The following RB1CC1 variants were observed in gnomAD, a reference collection of about 807,000 sequenced individuals.
RB1CC1 encodes RB1 inducible coiled-coil 1.
A neutral mutation model predicts 177.5 loss-of-function variants in RB1CC1; 46 were observed. The ratio of observed to expected loss-of-function variants is 0.26; its 90% confidence interval spans 0.20 to 0.33. RB1CC1 has a LOEUF of 0.33. Ranked by LOEUF, RB1CC1 falls within the 10% of genes least tolerant of loss-of-function variation. The pLI is 1.00. For synonymous variants in RB1CC1, 666 were observed against 613.6 expected (o/e 1.09, Z -1.26); for missense variants, 1,703 against 1,816.3 (o/e 0.94, Z 1.13).
At chr8:52,675,756 G>A (rs1230956539) in intron 6 of RB1CC1, among the ~76,000 whole-genome samples, 7 of 149,762 alleles carry the variant, frequency 4.7e-5, no homozygotes, top group South Asian at 2.1e-4. Context: ...GCGTGGTGGC[G>A]GGCACCTGTA....
chr8:52,691,276 A>G (rs536117700), intron 1 of RB1CC1, among the ~76,000 whole-genome samples: 1 of 152,296 alleles, frequency 6.6e-6, no homozygotes, highest in South Asian at 2.1e-4. Context: ...CTTCCATGAT[A>G]CTTAAAGCAA....
chr8:52,681,123 C>T (rs966222228), intron 5 of RB1CC1, among the ~76,000 whole-genome samples: 1 of 151,954 alleles, frequency 6.6e-6, no homozygotes, highest in Admixed American at 6.6e-5. Flanking sequence ...TCCCGAGCAG[C>T]TGGGACTACA....
intron 22 of RB1CC1, among the ~76,000 whole-genome samples, chr8:52,626,647 A>G (rs985139291): frequency 1.3e-5 from 2 of 152,218 alleles, no homozygotes; most frequent in African/African-American, 4.8e-5. Context: ...GAAAAACAAA[A>G]AACCCCATAA....
chr8:52,642,406 T>C lies in RB1CC1; in HGVS notation c.4282A>G (p.Thr1428Ala), dbSNP rs139250398. 7 of 1,614,022 alleles carry C rather than the reference T, an allele frequency of 4.3e-6. No individual in the cohort carries two copies. Among genetic ancestry groups the C allele is most frequent in the Non-Finnish European group, 5.9e-6 (7 of 1,179,994 alleles). Residue 1428 changes from threonine (T) to alanine (A), a missense_variant, in exon 18 of 24, where the codon ACA becomes GCA. Thr to Ala is a moderately conservative substitution (Grantham distance 58). Coordinates refer to ENST00000025008, the MANE Select transcript of RB1CC1 (RefSeq NM_014781.5). ...GAATCCACTCTTCCTTCATCTGCTG[T>C]TTCCACAGCGGATCTATCTGATTCA... is the stretch of plus-strand genomic sequence containing the variant. ...PGESDRSAVE[T>A]ADEGRVDSAM...
In RB1CC1 at chr8:52,658,095, A is replaced by G. The variant is rs1175936999; in HGVS notation, c.1823T>C (p.Leu608Pro). Residue 608 changes from leucine to proline, a missense_variant, in exon 14 of 24, where the codon CTA becomes CCA. Around this residue, in one of 6 missense-constraint regions of RB1CC1, gnomAD observed 1,169 missense variants for 1,184.7 expected, o/e 0.99. Transcript: ENST00000025008. ...RVPLLCDFEP[L>P]HQHVLALHNL... ...ATGTAGAGCAAGTACATGCTGGTGT[A>G]GAGGTTCAAAGTCACAAAGTAAGGG... is the stretch of plus-strand genomic sequence containing the variant. 1 of 1,613,018 alleles carries G rather than the reference A, an allele frequency of 6.2e-7. No homozygotes were observed. Among genetic ancestry groups the G allele is most frequent in the Non-Finnish European group, 8.5e-7 (1 of 1,179,756 alleles).
chr8:52,645,198 C>A (rs1278668665), intron 16 of RB1CC1, among the ~76,000 whole-genome samples: 6 of 152,070 alleles, frequency 3.9e-5, no homozygotes, highest in Non-Finnish European at 8.8e-5. Context: ...TAATCTACCA[C>A]CAGCCTATCA....
chr8:52,631,536 TGTAA>T (rs1477423421), intron 20 of RB1CC1, among the ~76,000 whole-genome samples: 1 of 152,210 alleles, frequency 6.6e-6, no homozygotes, highest in Non-Finnish European at 1.5e-5. Context: ...TCAAAAATGT[TGTAA>T]GTAACTAGAA....
In RB1CC1 at chr8:52,661,709, G is replaced by A; in HGVS notation, c.1184C>T (p.Ala395Val). Residue 395 changes from alanine (A) to valine (V), a missense_variant, in exon 9 of 24, where the codon GCT becomes GTT. Physicochemically the swap from Ala to Val is moderately conservative, Grantham distance 64. Coordinates refer to ENST00000025008, the MANE Select transcript of RB1CC1 (RefSeq NM_014781.5). ...EQKELAQGFL[A>V]NQKRAENLKD... Reference sequence around the variant, plus strand: ...TAAGTTTTCAGCTCTCTTCTGATTAGCTAAAAATCCCTTTGAGAAAAAAAA... The same window carrying A: ...TAAGTTTTCAGCTCTCTTCTGATTAACTAAAAATCCCTTTGAGAAAAAAAA... 1 of 1,552,170 alleles carries A rather than the reference G, an allele frequency of 6.4e-7. No individual in the cohort carries two copies. Among genetic ancestry groups the A allele is most frequent in the Non-Finnish European group, 8.7e-7 (1 of 1,152,308 alleles).
intron 1 of RB1CC1, among the ~76,000 whole-genome samples, chr8:52,706,662 G>A (rs1435555772): frequency 5.9e-5 from 9 of 151,262 alleles, no homozygotes; most frequent in African/African-American, 1.5e-4. Flanking sequence ...AACCCAGGAG[G>A]CGGAGCTTGC....
intron 7 of RB1CC1, among the ~76,000 whole-genome samples, chr8:52,669,990 G>T (rs1224692369): frequency 6.6e-6 from 1 of 152,182 alleles, no homozygotes; most frequent in Non-Finnish European, 1.5e-5. Context: ...TTCTGGCTCT[G>T]TTGCCCAAGA....
chr8:52,623,865 A>G lies in RB1CC1; in HGVS notation c.4708-6T>C, dbSNP rs374740650. ...ACTTTAAATCTGTTTTGTGCCTAAG[A>G]GGGAAAGAAAAAATGGAATCACTAG... is the stretch of plus-strand genomic sequence containing the variant. On this transcript the variant is annotated splice_region_variant and splice_polypyrimidine_tract_variant and intron_variant, in intron 23 of 23. Transcript: ENST00000025008. 2.0e-4 allele frequency: 313 copies of G among 1,590,386 alleles called. 6 individuals are homozygous for G. The South Asian group carries it at 3.3e-3, about 17-fold the overall frequency.
intron 7 of RB1CC1, among the ~76,000 whole-genome samples, chr8:52,670,784 C>T (rs1220242481): frequency 1.3e-5 from 2 of 152,020 alleles, no homozygotes; most frequent in Non-Finnish European, 2.9e-5. Context: ...GTGAGGAGTT[C>T]AAAGCCAGCC....
chr8:52,681,811 T>C lies in RB1CC1; in HGVS notation c.369+1738A>G, dbSNP rs181432685. Among the ~76,000 whole-genome samples, 182 of 152,302 alleles carry C rather than the reference T, an allele frequency of 1.2e-3. 1 individual carries two copies. Among genetic ancestry groups the C allele is most frequent in the African/African-American group, 4.1e-3 (171 of 41,576 alleles). ...ACCTAATGTAAATGACAAGTTGACG[T>C]TGGGGAACCACCGCCTAGATTTCAG... On this transcript the variant is annotated intron_variant, in intron 5 of 23. Transcript: ENST00000025008.
chr8:52,687,633 A>ACAGTCT (rs1183104735), intron 1 of RB1CC1, among the ~76,000 whole-genome samples: 1 of 152,182 alleles, frequency 6.6e-6, no homozygotes, highest in East Asian at 1.9e-4. Context: ...GCAAGAAGCT[A>ACAGTCT]CAGTCTCAGT....
intron 1 of RB1CC1, among the ~76,000 whole-genome samples, chr8:52,705,000 CAAG>C (rs1221205410): frequency 6.6e-6 from 1 of 152,130 alleles, no homozygotes; most frequent in Non-Finnish European, 1.5e-5. Flanking sequence ...ACAACTGACA[CAAG>C]ATTTTCTTAA....
Position 52,624,659 on chromosome 8 carries a change from C to T in RB1CC1, c.4707+58G>A, listed in dbSNP as rs1296124735. ...CAGTGGTAATGATTTCTATATAAAG[C>T]AGTATTAAAATCTTCTTTACAGTTC... On this transcript the variant is annotated intron_variant, in intron 23 of 23. Coordinates refer to ENST00000025008, the MANE Select transcript of RB1CC1 (RefSeq NM_014781.5). 16 of 1,281,608 alleles carry T rather than the reference C, an allele frequency of 1.2e-5. No homozygotes were observed. In the East Asian group the frequency reaches 3.8e-4, roughly 30 times the overall value. 79.4% of individuals were successfully genotyped at this position (1,281,608 alleles called of 1,614,324 possible).
chr8:52,652,072 A>AT (rs557359353), intron 15 of RB1CC1, among the ~76,000 whole-genome samples: 19 of 152,192 alleles, frequency 1.2e-4, no homozygotes, highest in African/African-American at 3.9e-4. Flanking sequence ...ATAAGGTTGG[A>AT]TTTTTTTTCA....
At chr8:52,667,330 T>C (rs564425369) in intron 8 of RB1CC1, among the ~76,000 whole-genome samples, 6 of 152,350 alleles carry the variant, frequency 3.9e-5, no homozygotes, top group African/African-American at 1.2e-4. Context: ...ATGTAATTAT[T>C]TATATGTTCC....
chr8:52,700,135 T>C (rs2150685842), intron 1 of RB1CC1, among the ~76,000 whole-genome samples: 1 of 152,036 alleles, frequency 6.6e-6, no homozygotes, highest in East Asian at 1.9e-4. Context: ...TTCCTCACAC[T>C]CATCTTTTCT....
Sources: allele counts gnomAD v4.1 joint callset (sites outside exome capture counted in the v4.1 genomes callset), GRCh38; gene constraint gnomAD v4.1.1; regional missense constraint gnomAD v4.1.1; transcripts MANE v1.5; gene names NCBI Gene and HGNC (gene_info 2026-07-23, HGNC 2026-07-21).